PAPOLG: variants seen among roughly 807,000 people sequenced by gnomAD.
PAPOLG encodes the protein PAP-gamma.
Under a neutral mutation model 99.0 loss-of-function variants are expected in PAPOLG, and 40 were observed. The observed-to-expected ratio is 0.40, with a 90% CI of 0.31 to 0.53. PAPOLG has a LOEUF of 0.53. Ranked by LOEUF, PAPOLG falls within the 20% of genes least tolerant of loss-of-function variation. The probability of loss-of-function intolerance (pLI) is 0.41; values close to 1 mark genes in which losing one functional copy is unlikely to be tolerated. For synonymous variants in PAPOLG, 310 were observed against 299.3 expected (o/e 1.04, Z -0.37); for missense variants, 675 against 884.1 (o/e 0.76, Z 3.00).
At chr2:60,795,862 G>C (rs577274578) in intron 21 of PAPOLG, among the ~76,000 whole-genome samples, 3 of 151,868 alleles carry the variant, frequency 2.0e-5, no homozygotes, top group African/African-American at 7.3e-5. Context: ...AAATATGAAC[G>C]TATAATTATG....
At chr2:60,762,869 C>T (rs1417982296) in intron 3 of PAPOLG, among the ~76,000 whole-genome samples, 7 of 151,900 alleles carry the variant, frequency 4.6e-5, no homozygotes, top group Middle Eastern at 3.2e-3. Flanking sequence ...TCAGGTGATC[C>T]GCCTGCCTCA....
rs183628735 is a variant in PAPOLG, at chr2:60,762,916, C to T, written c.246+1109C>T. Among the ~76,000 whole-genome samples, 379 of 151,510 alleles carry T rather than the reference C, an allele frequency of 2.5e-3. 1 individual carries two copies. Among genetic ancestry groups the T allele is most frequent in the Non-Finnish European group, 4.1e-3 (277 of 67,846 alleles). On this transcript the variant is annotated intron_variant, in intron 3 of 21. Transcript: ENST00000238714. ...TGCTGGGATTACAGCCTCGAGCCAC[C>T]GCGCCCAGCCTAAATTTTATTCATT...
In PAPOLG at chr2:60,799,206, G is replaced by A. The variant is rs1166509068; in HGVS notation, c.*2046G>A. ...TAAATCAGCCTTCAAAGTATCTTTA[G>A]GAATTCCTTCTGTATCCATGTTTAC... is the stretch of plus-strand genomic sequence containing the variant. On this transcript the variant is annotated 3_prime_UTR_variant, in exon 22 of 22. Transcript: ENST00000238714. 1 of 152,308 alleles carries A rather than the reference G, an allele frequency of 6.6e-6. No homozygotes were observed. Among genetic ancestry groups the A allele is most frequent in the Non-Finnish European group, 1.5e-5 (1 of 68,028 alleles). 9.4% of individuals were successfully genotyped at this position (152,308 alleles called of 1,614,324 possible). A position where few individuals can be genotyped will look rare whatever the true frequency, so the allele number is the denominator to read the frequency against.
Position 60,792,130 on chromosome 2 carries a change from A to G in PAPOLG, c.1520A>G (p.Gln507Arg). 6.4e-7 allele frequency: 1 copy of G among 1,574,068 alleles called. No individual in the cohort carries two copies. Among genetic ancestry groups the G allele is most frequent in the Non-Finnish European group, 8.6e-7 (1 of 1,166,600 alleles). Residue 507 changes from glutamine (Q) to arginine (R), a missense_variant and splice_region_variant, in exon 17 of 22, where the codon CAA becomes CGA. Gln to Arg is a conservative substitution (Grantham distance 43). This residue lies in a region of PAPOLG where 413 missense variants were observed against 460.5 expected (regional missense o/e 0.90). Transcript: ENST00000238714. Reference sequence around the variant, plus strand: ...CCTAAAATCGTTCCCTTCTTTCAGCAAAGTCTCTCTGATGTCAATCGAAGC... The same window carrying G: ...CCTAAAATCGTTCCCTTCTTTCAGCGAAGTCTCTCTGATGTCAATCGAAGC... ...PAEILQKKKK[Q>R]SLSDVNRSSG...
At chr2:60,756,653 C>A (rs1670350627) in intron 1 of PAPOLG, among the ~76,000 whole-genome samples, 158 bp downstream of exon 1, 1 of 152,144 alleles carries the variant, frequency 6.6e-6, no homozygotes, top group African/African-American at 2.4e-5. Flanking sequence ...AGGGCACCTC[C>A]CCTAAACCCG....
At chr2:60,791,975 A>G in intron 16 of PAPOLG, 93 bp downstream of exon 16, 1 of 1,488,232 alleles carries the variant, frequency 6.7e-7, no homozygotes. Context: ...ACCTATTGAG[A>G]AAAATAAGGA....
intron 13 of PAPOLG, 71 bp from the exon 14 acceptor site, chr2:60,786,876 T>G (rs1398712417): frequency 6.5e-7 from 1 of 1,531,550 alleles, no homozygotes; most frequent in Non-Finnish European, 8.8e-7. Context: ...AATATGCTGT[T>G]TGGTTTACTT....
At chr2:60,769,014 C>G in intron 5 of PAPOLG, 124 bp downstream of exon 5, 1 of 716,110 alleles carries the variant, frequency 1.4e-6, no homozygotes, top group South Asian at 2.3e-5. Flanking sequence ...ATAAGAGTAG[C>G]TTTAATAAGT....
rs145603628 is a variant in PAPOLG at position 60,785,487 on chromosome 2, T to C, written c.1167-1460T>C. Among the ~76,000 whole-genome samples the C allele has an allele frequency of 2.6e-3, 396 of 152,238 alleles. 3 individuals are homozygous for C. Among genetic ancestry groups the C allele is most frequent in the African/African-American group, 9.1e-3 (379 of 41,554 alleles). ...AAGCATGATTGTTTCATATATTATG[T>C]GCCAATATTAGTTTCATTGTTTAAA... On this transcript the variant is annotated intron_variant, in intron 13 of 21. Coordinates refer to ENST00000238714, the MANE Select transcript of PAPOLG (RefSeq NM_022894.4).
rs71400301 is a variant in PAPOLG, at chr2:60,799,604, G to GTGTGTTTTGT, written c.*2445_*2446insGTGTTTTGTT. ...ATGATGAGAGGCACTAAGTACATGTGTTTGTTTTGTTTTGTTTTGTTTTGT... is the reference window on the plus strand; with the variant it reads ...ATGATGAGAGGCACTAAGTACATGTGTGTGTTTTGTTTTGTTTTGTTTTGTTTTGTTTTGT... On this transcript the variant is annotated 3_prime_UTR_variant, in exon 22 of 22. Coordinates refer to ENST00000238714, the MANE Select transcript of PAPOLG (RefSeq NM_022894.4). The GTGTGTTTTGT allele has an allele frequency of 1.3e-4, 19 of 150,206 alleles. No homozygotes were observed. Among genetic ancestry groups the GTGTGTTTTGT allele is most frequent in the African/African-American group, 4.7e-4 (19 of 40,604 alleles). The allele number at this position is 150,206 out of a possible 1,614,324, so 9.3% of individuals were successfully genotyped here.
chr2:60,769,964 C>T (rs898643672), intron 5 of PAPOLG, among the ~76,000 whole-genome samples: 1 of 151,238 alleles, frequency 6.6e-6, no homozygotes, highest in Non-Finnish European at 1.5e-5. Context: ...GTTTCTCTCC[C>T]TGTGTCCATG....
rs1573245056 is a variant in PAPOLG at position 60,784,165 on chromosome 2, G to T, written c.1166+956G>T. Among the ~76,000 whole-genome samples the T allele has an allele frequency of 2.6e-5, 4 of 152,180 alleles. No individual in the cohort carries two copies. The South Asian group carries it at 6.2e-4, about 24-fold the overall frequency. ...TTTTTGTACTTTTAGTAGAGACGGG[G>T]TTTCACCATCTTGGCCAGGCTGGTC... On this transcript the variant is annotated intron_variant, in intron 13 of 21. Coordinates refer to ENST00000238714, the MANE Select transcript of PAPOLG (RefSeq NM_022894.4).
intron 7 of PAPOLG, among the ~76,000 whole-genome samples, chr2:60,772,169 C>T (rs1417079924): frequency 1.3e-5 from 2 of 151,928 alleles, no homozygotes; most frequent in African/African-American, 2.4e-5. Flanking sequence ...TCTGGCCGGG[C>T]GTGGTGGCCC....
intron 15 of PAPOLG, among the ~76,000 whole-genome samples, chr2:60,788,102 G>A (rs1426467769): frequency 2.0e-5 from 3 of 151,758 alleles, no homozygotes. Context: ...ATTAAGTGGG[G>A]GGTAAAATTC....
chr2:60,781,655 T>A (rs1671193682), intron 10 of PAPOLG, among the ~76,000 whole-genome samples: 1 of 152,240 alleles, frequency 6.6e-6, no homozygotes, highest in Admixed American at 6.5e-5. Flanking sequence ...CACATCAATT[T>A]AACAGCTTTT....
chr2:60,792,011 TAAAATCTCATTTTC>T, intron 16 of PAPOLG, 104 bp from the exon 17 acceptor site: 13 of 1,455,690 alleles, frequency 8.9e-6, no homozygotes, highest in South Asian at 2.7e-5. Context: ...AATCTAGGAC[TAAAATCTCATTTTC>T]ATTAATCACA....
intron 15 of PAPOLG, among the ~76,000 whole-genome samples, chr2:60,787,828 G>A (rs1049829154): frequency 3.3e-5 from 5 of 152,198 alleles, no homozygotes; most frequent in African/African-American, 1.2e-4. Flanking sequence ...GAGGCGGGCA[G>A]ATTACCTGAG....
At chr2:60,786,525 C>T (rs1475315668) in intron 13 of PAPOLG, among the ~76,000 whole-genome samples, 1 of 151,100 alleles carries the variant, frequency 6.6e-6, no homozygotes, top group Non-Finnish European at 1.5e-5. Context: ...GCCACTGCAC[C>T]TGGCCTGAAA....
chr2:60,797,293 A>C lies in PAPOLG; in HGVS notation c.*133A>C, dbSNP rs1330239185. On this transcript the variant is annotated 3_prime_UTR_variant, in exon 22 of 22. Coordinates refer to ENST00000238714, the MANE Select transcript of PAPOLG (RefSeq NM_022894.4). ...GACAGCCTTCAGTCTAATAACCTTGAAGTGGTTTTTGAACTGTCAAACTTT... is the reference window on the plus strand; with the variant it reads ...GACAGCCTTCAGTCTAATAACCTTGCAGTGGTTTTTGAACTGTCAAACTTT... The C allele has an allele frequency of 1.7e-6, 2 of 1,172,514 alleles. No homozygotes were observed. The highest frequency in any genetic ancestry group is 2.4e-6 in the Non-Finnish European group (2 of 827,964). 72.6% of individuals were successfully genotyped at this position (1,172,514 alleles called of 1,614,324 possible). A position where few individuals can be genotyped will look rare whatever the true frequency, so the allele number is the denominator to read the frequency against.
Sources: gnomAD v4.1 joint callset for allele counts (sites outside exome capture counted in the v4.1 genomes callset) on GRCh38, gnomAD v4.1.1 for gene constraint, gnomAD v4.1.1 regional missense constraint, MANE v1.5 for transcripts, NCBI Gene and HGNC (gene_info 2026-07-23, HGNC 2026-07-21) for gene names.